The following NRXN3 variants were observed in gnomAD, a reference collection of about 807,000 sequenced individuals.
NRXN3 encodes the protein neurexin III.
In NRXN3, 32 loss-of-function variants were observed where a neutral mutation model predicts 137.6. The ratio of observed to expected loss-of-function variants is 0.23; its 90% CI spans 0.18 to 0.31. The LOEUF (loss-of-function observed/expected upper bound fraction) is 0.31, where lower values mean the gene tolerates loss of function less well. Ranked by LOEUF, NRXN3 falls within the 10% of genes least tolerant of loss-of-function variation. The pLI is 1.00. For missense variants in NRXN3, 1,574 were observed against 2,062.5 expected (o/e 0.76, Z 4.59); for synonymous variants, 798 against 784.5 (o/e 1.02, Z -0.29).
chr14:79,175,942 A>G (rs2062290495), intron 15 of NRXN3, among the ~76,000 whole-genome samples: 1 of 152,256 alleles, frequency 6.6e-6, no homozygotes, highest in African/African-American at 2.4e-5. Flanking sequence ...ACTCTGTAGT[A>G]GCGCTCTAGG....
At chr14:79,695,834 C>CTGTT (rs376489434) in intron 18 of NRXN3, among the ~76,000 whole-genome samples, 129 of 152,022 alleles carry the variant, frequency 8.5e-4, no homozygotes, top group African/African-American at 2.8e-3. Context: ...TCTATGAGAT[C>CTGTT]TGTTTTGATT....
At chr14:79,816,170 T>A (rs1462652454) in intron 20 of NRXN3, among the ~76,000 whole-genome samples, 1 of 152,246 alleles carries the variant, frequency 6.6e-6, no homozygotes, top group Non-Finnish European at 1.5e-5. Flanking sequence ...TAAGTTTGCT[T>A]GTTCAAGGTC....
At chr14:78,300,611 G>GTC in intron 4 of NRXN3, 1 of 1,200,670 alleles carries the variant, frequency 8.3e-7, no homozygotes, top group Non-Finnish European at 1.2e-6. Context: ...CTCTCTCTCT[G>GTC]TCTCTCTCTG....
At chr14:79,800,180 T>TCAC (rs2099173324) in intron 19 of NRXN3, among the ~76,000 whole-genome samples, 2 of 151,978 alleles carry the variant, frequency 1.3e-5, no homozygotes, top group East Asian at 3.9e-4. Context: ...TAGACAATCA[T>TCAC]TGTGAGGGGA....
intron 1 of NRXN3, among the ~76,000 whole-genome samples, chr14:78,201,535 G>T (rs972429925): frequency 1.3e-5 from 2 of 152,234 alleles, no homozygotes; most frequent in African/African-American, 2.4e-5. Flanking sequence ...TGGGGGCAGT[G>T]GTGAAGGAGC....
At chr14:78,393,472 C>T (rs1474518809) in intron 4 of NRXN3, among the ~76,000 whole-genome samples, 1 of 152,028 alleles carries the variant, frequency 6.6e-6, no homozygotes, top group Non-Finnish European at 1.5e-5. Context: ...GTTCCATTGA[C>T]CTGTGTCTTT....
At chr14:78,789,186 A>G (rs2098798090) in intron 8 of NRXN3, among the ~76,000 whole-genome samples, 1 of 152,172 alleles carries the variant, frequency 6.6e-6, no homozygotes, top group Admixed American at 6.5e-5. Flanking sequence ...TTAGTCTAAA[A>G]AGCAAGTCTG....
chr14:79,494,974 G>A (rs1261212205), intron 16 of NRXN3, among the ~76,000 whole-genome samples: 3 of 152,188 alleles, frequency 2.0e-5, no homozygotes, highest in Admixed American at 1.3e-4. Context: ...TTATCTAAAC[G>A]TATATTTGTC....
At chr14:79,222,047 A>G (rs1423550481) in intron 15 of NRXN3, among the ~76,000 whole-genome samples, 44 of 152,278 alleles carry the variant, frequency 2.9e-4, no homozygotes. Context: ...CAGGTTTGTC[A>G]AAGATCAGAT....
chr14:79,063,715 G>C (rs2099677118), intron 15 of NRXN3, among the ~76,000 whole-genome samples: 2 of 152,106 alleles, frequency 1.3e-5, no homozygotes, highest in Admixed American at 1.3e-4. Context: ...GCCGAGGAAA[G>C]AGAAAAAAAC....
At chr14:79,161,140 G>A (rs937747907) in intron 15 of NRXN3, among the ~76,000 whole-genome samples, 1 of 151,860 alleles carries the variant, frequency 6.6e-6, no homozygotes, top group East Asian at 1.9e-4. Flanking sequence ...TTCCTATATT[G>A]AGAGAATAAC....
At chr14:78,986,081 C>G (rs548000139) in intron 14 of NRXN3, among the ~76,000 whole-genome samples, 1 of 152,194 alleles carries the variant, frequency 6.6e-6, no homozygotes, top group Non-Finnish European at 1.5e-5. Flanking sequence ...ACCCAGAAGA[C>G]GAACCCTTTG....
chr14:78,634,030 A>G (rs2152543525), intron 4 of NRXN3, among the ~76,000 whole-genome samples: 1 of 152,308 alleles, frequency 6.6e-6, no homozygotes. Context: ...TTAAAGAACT[A>G]GCATGATTTT....
At position 78,330,275 on chromosome 14, in the gene NRXN3, T is replaced by C. The variant is rs574192432; in HGVS notation, c.757+32415T>C. 2.0e-5 allele frequency among the ~76,000 whole-genome samples: 3 copies of C among 152,270 alleles called. No homozygotes were observed. The South Asian group carries it at 6.2e-4, about 32-fold the overall frequency. ...TGCAGTCACCTTGACCCTAAGAGAT[T>C]TGGCTAAGCTTGACAGGAGTCCCCA... On this transcript the variant is annotated intron_variant, in intron 4 of 20. Transcript: ENST00000335750.
At chr14:78,344,937 C>T (rs1597560704) in intron 4 of NRXN3, among the ~76,000 whole-genome samples, 1 of 152,094 alleles carries the variant, frequency 6.6e-6, no homozygotes, top group Admixed American at 6.5e-5. Flanking sequence ...GCACTAACAA[C>T]TTTGTCATGG....
chr14:78,501,287 A>G (rs906694137), intron 4 of NRXN3, among the ~76,000 whole-genome samples: 3 of 152,152 alleles, frequency 2.0e-5, no homozygotes, highest in African/African-American at 7.2e-5. Flanking sequence ...CTAAGGGTCG[A>G]CTGGCAAAAG....
At chr14:79,287,483 C>A (rs980549293) in intron 15 of NRXN3, among the ~76,000 whole-genome samples, 3 of 152,130 alleles carry the variant, frequency 2.0e-5, no homozygotes, top group African/African-American at 7.2e-5. Flanking sequence ...TTCTCAGTGT[C>A]CATTGTAAAC....
chr14:79,584,487 G>T (rs79559320), intron 16 of NRXN3, among the ~76,000 whole-genome samples: 17,714 of 152,244 alleles, frequency 0.12, 1,163 homozygotes, highest in South Asian at 0.23. Flanking sequence ...GATTAGGGAT[G>T]GGGGAGAGCT....
At chr14:79,440,966 C>A (rs2095931011) in intron 15 of NRXN3, among the ~76,000 whole-genome samples, 1 of 152,098 alleles carries the variant, frequency 6.6e-6, no homozygotes, top group Non-Finnish European at 1.5e-5. Flanking sequence ...GCTACAGGAT[C>A]AAGTCGCATA....
Sources: gnomAD v4.1 joint callset for allele counts (sites outside exome capture counted in the v4.1 genomes callset) on GRCh38, gnomAD v4.1.1 for gene constraint, MANE v1.5 for transcripts, NCBI Gene and HGNC (gene_info 2026-07-23, HGNC 2026-07-21) for gene names.